The following EPHA6 variants were observed in gnomAD, a reference collection of about 807,000 sequenced individuals.
EPHA6 encodes EPH receptor A6.
A neutral mutation model predicts 112.0 loss-of-function variants in EPHA6; 50 were observed. That is an observed-to-expected ratio of 0.45 (90% CI 0.36 to 0.56). The LOEUF (loss-of-function observed/expected upper bound fraction) is 0.56. EPHA6 is among the 20% of genes least tolerant of loss of function. The pLI, the probability that EPHA6 is intolerant of heterozygous loss-of-function variation, is 0.00. For missense variants in EPHA6, 1,280 were observed against 1,417.4 expected (o/e 0.90, Z 1.56); for synonymous variants, 529 against 490.7 (o/e 1.08, Z -1.03).
At chr3:96,822,834 TTAGG>T (rs1006318800) in intron 1 of EPHA6, among the ~76,000 whole-genome samples, 18 of 151,268 alleles carry the variant, frequency 1.2e-4, no homozygotes, top group Non-Finnish European at 1.8e-4. Flanking sequence ...AATCACATTC[TTAGG>T]TAGTGTATAG....
intron 2 of EPHA6, among the ~76,000 whole-genome samples, chr3:96,936,373 G>A (rs1354792744): frequency 6.6e-6 from 1 of 151,842 alleles, no homozygotes; most frequent in African/African-American, 2.4e-5. Context: ...AAAAAGTCAT[G>A]TATCTGCTTT....
At chr3:97,271,549 G>T (rs1377954427) in intron 5 of EPHA6, among the ~76,000 whole-genome samples, 2 of 152,102 alleles carry the variant, frequency 1.3e-5, no homozygotes, top group Non-Finnish European at 2.9e-5. Context: ...GTAGAGACGG[G>T]GTTTCAGCAT....
At chr3:97,482,831 T>G (rs1348079636) in intron 9 of EPHA6, among the ~76,000 whole-genome samples, 1 of 152,228 alleles carries the variant, frequency 6.6e-6, no homozygotes, top group Non-Finnish European at 1.5e-5. Flanking sequence ...GGTCTTTTAA[T>G]CCCTACTAGT....
chr3:96,988,277 A>G (rs980337359), intron 3 of EPHA6, among the ~76,000 whole-genome samples: 4 of 152,170 alleles, frequency 2.6e-5, no homozygotes, highest in Non-Finnish European at 5.9e-5. Flanking sequence ...CAATTGATTC[A>G]TATTAACCAT....
At chr3:97,054,418 AAAG>A (rs1208703858) in intron 3 of EPHA6, among the ~76,000 whole-genome samples, 1 of 152,098 alleles carries the variant, frequency 6.6e-6, no homozygotes, top group Admixed American at 6.6e-5. Context: ...TTATTAGAGA[AAAG>A]AAGGTGGAGT....
chr3:96,815,717 A>G (rs1192510019), intron 1 of EPHA6, among the ~76,000 whole-genome samples: 1 of 152,146 alleles, frequency 6.6e-6, no homozygotes, highest in East Asian at 1.9e-4. Context: ...GGTAAAGTGA[A>G]GGTAAATAGT....
intron 5 of EPHA6, among the ~76,000 whole-genome samples, chr3:97,392,115 C>A (rs1002963414): frequency 2.0e-5 from 3 of 151,752 alleles, no homozygotes; most frequent in African/African-American, 7.2e-5. Flanking sequence ...TTTATAGTTA[C>A]AGCTTATAAA....
chr3:97,205,019 G>A (rs1435393746), intron 3 of EPHA6, among the ~76,000 whole-genome samples: 3 of 152,024 alleles, frequency 2.0e-5, no homozygotes, highest in Non-Finnish European at 4.4e-5. Context: ...TGTAACTCTT[G>A]CAAATCTTGG....
chr3:97,145,787 T>G (rs919845334), intron 3 of EPHA6, among the ~76,000 whole-genome samples: 1 of 151,682 alleles, frequency 6.6e-6, no homozygotes, highest in Non-Finnish European at 1.5e-5. Flanking sequence ...TATTTTGTAT[T>G]TTTACAAAGT....
At chr3:97,095,643 T>C (rs1036053359) in intron 3 of EPHA6, among the ~76,000 whole-genome samples, 2 of 151,948 alleles carry the variant, frequency 1.3e-5, no homozygotes, top group African/African-American at 4.8e-5. Context: ...TTTTAAGTGA[T>C]GTGTGGCCAT....
chr3:97,116,560 A>G (rs1453549350), intron 3 of EPHA6, among the ~76,000 whole-genome samples: 1 of 151,724 alleles, frequency 6.6e-6, no homozygotes, highest in Non-Finnish European at 1.5e-5. Context: ...TTTAAAAAAT[A>G]TTACACATGT....
chr3:96,827,426 A>G (rs946377181), intron 1 of EPHA6, among the ~76,000 whole-genome samples: 4 of 152,102 alleles, frequency 2.6e-5, no homozygotes, highest in African/African-American at 4.8e-5. Context: ...AGTTAAAAAA[A>G]TGTGTAGAGA....
At chr3:97,463,658 T>C (rs1311561864) in intron 7 of EPHA6, among the ~76,000 whole-genome samples, 2 of 152,156 alleles carry the variant, frequency 1.3e-5, no homozygotes, top group East Asian at 3.9e-4. Flanking sequence ...TGTTTGTTTG[T>C]AAATGACATT....
chr3:97,518,793 T>C (rs1410396303), intron 10 of EPHA6, among the ~76,000 whole-genome samples: 1 of 152,152 alleles, frequency 6.6e-6, no homozygotes, highest in African/African-American at 2.4e-5. Context: ...TTGCAAAATG[T>C]ATATGCATAT....
intron 5 of EPHA6, among the ~76,000 whole-genome samples, chr3:97,288,879 T>A (rs1283780918): frequency 3.3e-5 from 5 of 152,096 alleles, no homozygotes; most frequent in Non-Finnish European, 5.9e-5. Context: ...TACATCTTCT[T>A]TTGAGAAGTG....
intron 2 of EPHA6, among the ~76,000 whole-genome samples, chr3:96,921,185 T>C (rs2039742505): frequency 6.6e-6 from 1 of 152,116 alleles, no homozygotes; most frequent in African/African-American, 2.4e-5. Context: ...TTAATTTTCC[T>C]TCATGATAGG....
At chr3:97,641,488 G>A (rs560206745) in intron 14 of EPHA6, among the ~76,000 whole-genome samples, 29 of 152,312 alleles carry the variant, frequency 1.9e-4, no homozygotes, top group African/African-American at 5.5e-4. Flanking sequence ...CAGCGTGAGC[G>A]ACGCAGAAGA....
chr3:97,347,870 T>C (rs1168006304), intron 5 of EPHA6, among the ~76,000 whole-genome samples: 1 of 152,074 alleles, frequency 6.6e-6, no homozygotes, highest in Non-Finnish European at 1.5e-5. Flanking sequence ...ACATAAATCT[T>C]TTGATAGCCA....
rs144970002 is a variant in EPHA6 at position 97,546,655 on chromosome 3, A to T, written c.2386+14112A>T. Among the ~76,000 whole-genome samples, 562 of 152,268 alleles carry T rather than the reference A, an allele frequency of 3.7e-3. 7 individuals are homozygous for T. Among genetic ancestry groups the T allele is most frequent in the African/African-American group, 0.013 (543 of 41,544 alleles). On this transcript the variant is annotated intron_variant, in intron 11 of 17. Coordinates refer to ENST00000389672, the MANE Select transcript of EPHA6 (RefSeq NM_001080448.3). ...AGTTCTCCTGGATAATATCCTGCAG[A>T]GTGTTTTCCAACTTGGTTCCATTCT...
Sources: allele counts gnomAD v4.1 joint callset (sites outside exome capture counted in the v4.1 genomes callset), GRCh38; gene constraint gnomAD v4.1.1; transcripts MANE v1.5; gene names NCBI Gene and HGNC (gene_info 2026-07-23, HGNC 2026-07-21).